CPEB3: variants seen among roughly 807,000 people sequenced by gnomAD.
CPEB3 encodes cytoplasmic polyadenylation element-binding protein 3.
CPEB3 carries 20 observed loss-of-function variants against 67.2 expected under a neutral mutation model. The ratio of observed to expected loss-of-function variants is 0.30; its 90% CI spans 0.21 to 0.43. CPEB3 has a LOEUF of 0.43. Ranked by LOEUF, CPEB3 falls within the 20% of genes least tolerant of loss-of-function variation. CPEB3 has a pLI of 1.00. For synonymous variants in CPEB3, 376 were observed against 393.1 expected, an observed-to-expected ratio of 0.96 and a Z score of 0.51; for missense variants, 746 against 968.6, an observed-to-expected ratio of 0.77 and a Z score of 3.05.
chr10:92,073,515 T>C (rs1336189306), intron 9 of CPEB3, among the ~76,000 whole-genome samples: 1 of 152,148 alleles, frequency 6.6e-6, no homozygotes, highest in Non-Finnish European at 1.5e-5. Flanking sequence ...CATAGCTCAC[T>C]GTAGCCTCAA....
At chr10:92,121,064 A>C (rs1322382675) in intron 6 of CPEB3, among the ~76,000 whole-genome samples, 1 of 149,718 alleles carries the variant, frequency 6.7e-6, no homozygotes, top group Non-Finnish European at 1.5e-5. Flanking sequence ...GCTGGAGTGC[A>C]GTGGCACAAT....
intron 4 of CPEB3, among the ~76,000 whole-genome samples, chr10:92,171,251 T>G (rs1185927458): frequency 6.6e-6 from 1 of 152,180 alleles, no homozygotes; most frequent in Non-Finnish European, 1.5e-5. Flanking sequence ...CAAAAACACC[T>G]TCCTCTTCTG....
chr10:92,174,110 A>AT (rs1354842492), intron 4 of CPEB3, among the ~76,000 whole-genome samples: 9 of 152,204 alleles, frequency 5.9e-5, no homozygotes, highest in African/African-American at 2.2e-4. Context: ...TGTTCTTCAA[A>AT]TTTTGGAAAA....
intron 4 of CPEB3, among the ~76,000 whole-genome samples, chr10:92,167,567 T>C (rs1847803085): frequency 6.6e-6 from 1 of 152,158 alleles, no homozygotes; most frequent in South Asian, 2.1e-4. Flanking sequence ...TCAATTAAGT[T>C]TGTATCTCCT....
intron 7 of CPEB3, among the ~76,000 whole-genome samples, chr10:92,104,327 T>C (rs1262569634): frequency 6.6e-6 from 1 of 151,032 alleles, no homozygotes; most frequent in Non-Finnish European, 1.5e-5. Flanking sequence ...CCTTAAGGGG[T>C]GGCGTTGGCT....
Position 92,145,040 on chromosome 10 carries a change from C to G in CPEB3, c.1268G>C (p.Gly423Ala). 3 of 1,614,060 alleles carry G rather than the reference C, an allele frequency of 1.9e-6. No individual in the cohort carries two copies. The highest frequency in any genetic ancestry group is 2.5e-6 in the Non-Finnish European group (3 of 1,179,958). ...DSHGDQALSS[G>A]LSSPTRCQNG... ...TTGACAGCGAGTGGGAGAACTTAAG[C>G]CAGATGACAAGGCTTGATCACCATG... Residue 423 changes from glycine (G) to alanine (A), a missense_variant, in exon 5 of 10, where the codon GGC (glycine) becomes GCC (alanine). Around this residue, in one of 2 missense-constraint regions of CPEB3, gnomAD observed 643 missense variants for 717.5 expected, o/e 0.90. Transcript: ENST00000265997.
intron 4 of CPEB3, among the ~76,000 whole-genome samples, chr10:92,153,098 C>T (rs1847038921): frequency 6.6e-6 from 1 of 152,194 alleles, no homozygotes; most frequent in Non-Finnish European, 1.5e-5. Context: ...CATGAACATT[C>T]AGAAAATTCT....
In CPEB3 at chr10:92,239,320, A is replaced by T; in HGVS notation, c.1005+26T>A. 6.3e-7 allele frequency: 1 copy of T among 1,593,830 alleles called. No individual in the cohort carries two copies. The highest frequency in any genetic ancestry group is 1.3e-5 in the African/African-American group (1 of 74,774). ...CAAAAGGAGCGGGGCAGAGGGAAGG[A>T]GTGTGTAGGTGCAGCAGAGTATTAC... On this transcript the variant is annotated intron_variant, in intron 2 of 9. Transcript: ENST00000265997. The surrounding 1 kb of genome is among the most constrained non-coding windows in gnomAD (Gnocchi z 6.0).
chr10:92,074,018 C>T (rs1288632416), intron 9 of CPEB3, among the ~76,000 whole-genome samples: 1 of 152,110 alleles, frequency 6.6e-6, no homozygotes, highest in Non-Finnish European at 1.5e-5. Flanking sequence ...GTGCAAAGTG[C>T]TCTCTGGTGG....
At chr10:92,289,710 G>T (rs1460579152) in intron 1 of CPEB3, among the ~76,000 whole-genome samples, 2 of 25,766 alleles carry the variant, frequency 7.8e-5, no homozygotes, top group East Asian at 6.9e-4. Flanking sequence ...GCGAGACCGC[G>T]TCTCTACCAA....
intron 8 of CPEB3, among the ~76,000 whole-genome samples, chr10:92,091,119 C>T (rs1004555438): frequency 3.9e-5 from 6 of 152,082 alleles, no homozygotes; most frequent in Non-Finnish European, 7.4e-5. Flanking sequence ...TTAATGATCT[C>T]TGCTTTTTGT....
chr10:92,170,730 G>T (rs1024556472), intron 4 of CPEB3, among the ~76,000 whole-genome samples: 26 of 152,224 alleles, frequency 1.7e-4, no homozygotes, highest in South Asian at 4.1e-4. Flanking sequence ...AAAGAAAGAA[G>T]AAAGTTCTAA....
chr10:92,254,289 T>C (rs186563142), intron 1 of CPEB3, among the ~76,000 whole-genome samples: 4 of 151,788 alleles, frequency 2.6e-5, no homozygotes, highest in Admixed American at 2.0e-4. Context: ...AGAAAAGAAA[T>C]AATAATTTTG....
At chr10:92,229,661 A>C (rs1851168707) in intron 2 of CPEB3, among the ~76,000 whole-genome samples, 1 of 152,196 alleles carries the variant, frequency 6.6e-6, no homozygotes, top group Non-Finnish European at 1.5e-5. Flanking sequence ...TGGGAAACAT[A>C]TATTTTATAT....
chr10:92,202,600 AAGAG>A (rs1331014539), intron 2 of CPEB3, among the ~76,000 whole-genome samples: 3 of 151,638 alleles, frequency 2.0e-5, no homozygotes, highest in Admixed American at 6.6e-5. Flanking sequence ...TTAAAACACT[AAGAG>A]AAAGAAGACA....
At chr10:92,131,209 T>A (rs113065742) in intron 6 of CPEB3, among the ~76,000 whole-genome samples, 48 of 152,250 alleles carry the variant, frequency 3.2e-4, no homozygotes, top group Non-Finnish European at 6.8e-4. Flanking sequence ...ATTCTCTTCT[T>A]GGCATAGCTC....
Position 92,140,022 on chromosome 10 carries a change from A to G in CPEB3, c.1453+3007T>C, listed in dbSNP as rs1261219920. ...CGGGAGGTGGAGGTTGCAGAAGCCG[A>G]GATCACACCATTGCACTCCAGCCTG... On this transcript the variant is annotated intron_variant, in intron 6 of 9. Coordinates refer to ENST00000265997, the MANE Select transcript of CPEB3 (RefSeq NM_014912.5). 4.6e-5 allele frequency among the ~76,000 whole-genome samples: 7 copies of G among 151,014 alleles called. No individual in the cohort carries two copies. The East Asian group carries it at 1.2e-3, about 25-fold the overall frequency.
At chr10:92,258,025 C>T (rs1272050045) in intron 1 of CPEB3, among the ~76,000 whole-genome samples, 4 of 151,008 alleles carry the variant, frequency 2.6e-5, no homozygotes, top group African/African-American at 7.3e-5. Context: ...TTATCGTGCC[C>T]GGCCTCTCAA....
intron 2 of CPEB3, among the ~76,000 whole-genome samples, chr10:92,237,660 G>C (rs1403674750): frequency 1.3e-5 from 2 of 152,098 alleles, no homozygotes; most frequent in Non-Finnish European, 2.9e-5. Context: ...TATCCTCTAA[G>C]ACTGAACTCA....
Sources: allele counts gnomAD v4.1 joint callset (sites outside exome capture counted in the v4.1 genomes callset), GRCh38; gene constraint gnomAD v4.1.1; regional missense constraint gnomAD v4.1.1; non-coding constraint Gnocchi (gnomAD v3.1); transcripts MANE v1.5; gene names NCBI Gene and HGNC (gene_info 2026-07-23, HGNC 2026-07-21).